The following CCSER2 variants were observed in gnomAD, a reference collection of about 807,000 sequenced individuals.
CCSER2 encodes serine-rich coiled-coil domain-containing protein 2.
In CCSER2, 46 loss-of-function variants were observed where a neutral mutation model predicts 92.3. The observed-to-expected ratio is 0.50, with a 90% CI of 0.39 to 0.64. CCSER2 has a LOEUF of 0.64. Among genes scored for constraint, CCSER2 ranks in the 30% least tolerant of loss-of-function variants. The pLI is 0.00. For missense variants in CCSER2, 1,244 were observed against 1,238.9 expected, an observed-to-expected ratio of 1.00 and a Z score of -0.06; for synonymous variants, 433 against 431.4, an observed-to-expected ratio of 1.00 and a Z score of -0.04.
chr10:84,431,745 A>C (rs1387394626), intron 5 of CCSER2, among the ~76,000 whole-genome samples: 2 of 152,140 alleles, frequency 1.3e-5, no homozygotes, highest in Non-Finnish European at 2.9e-5. Flanking sequence ...TCTCAAAAAA[A>C]ATTACTGAAT....
At chr10:84,448,750 C>G (rs1030079799) in intron 6 of CCSER2, among the ~76,000 whole-genome samples, 5 of 152,154 alleles carry the variant, frequency 3.3e-5, no homozygotes, top group Non-Finnish European at 7.3e-5. Flanking sequence ...TTTCTCAAAC[C>G]CGGCCCAGGC....
chr10:84,442,652 T>A (rs1184300639), intron 6 of CCSER2, among the ~76,000 whole-genome samples: 1 of 152,212 alleles, frequency 6.6e-6, no homozygotes, highest in Non-Finnish European at 1.5e-5. Context: ...AAAAGGTTTT[T>A]TAAAAGGTAT....
intron 9 of CCSER2, among the ~76,000 whole-genome samples, chr10:84,509,822 A>C (rs1391907346): frequency 6.6e-6 from 1 of 152,180 alleles, no homozygotes; most frequent in Non-Finnish European, 1.5e-5. Flanking sequence ...GAGGCTATGA[A>C]ATCCATCGAT....
In CCSER2 at chr10:84,372,089, C is replaced by T; in HGVS notation, c.1037C>T (p.Thr346Ile). ...GGAAATAAAAATTCACCTGCTGACA[C>T]ATGTGTAGAGGAAGATGCTACAGTT... is the stretch of plus-strand genomic sequence containing the variant. ...VDGNKNSPAD[T>I]CVEEDATVLA... Residue 346 changes from threonine (T) to isoleucine (I), a missense_variant, in exon 2 of 10, where the codon ACA (threonine) becomes ATA (isoleucine). By Grantham distance (89) the Thr-to-Ile change is moderately conservative. Coordinates refer to ENST00000372088, the MANE Select transcript of CCSER2 (RefSeq NM_001284240.2). 2 of 1,613,726 alleles carry T rather than the reference C, an allele frequency of 1.2e-6. No individual in the cohort carries two copies. Among genetic ancestry groups the T allele is most frequent in the South Asian group, 1.1e-5 (1 of 91,064 alleles).
At chr10:84,330,795 A>G (rs1564570451) in intron 1 of CCSER2, among the ~76,000 whole-genome samples, 1 of 152,112 alleles carries the variant, frequency 6.6e-6, no homozygotes, top group Non-Finnish European at 1.5e-5. Context: ...CTGGTTAGGA[A>G]TGAAACCCCA....
At chr10:84,382,753 A>G (rs1171993060) in intron 3 of CCSER2, among the ~76,000 whole-genome samples, 3 of 152,186 alleles carry the variant, frequency 2.0e-5, no homozygotes, top group Non-Finnish European at 2.9e-5. Context: ...CATCACTGAA[A>G]GTATCTGGCT....
At chr10:84,330,326 G>A (rs1012732548) in intron 1 of CCSER2, among the ~76,000 whole-genome samples, 4 of 152,180 alleles carry the variant, frequency 2.6e-5, no homozygotes, top group Non-Finnish European at 4.4e-5. Flanking sequence ...GTTTTTCAGT[G>A]TTCTTTGTTG....
At chr10:84,451,306 G>A (rs1458220385) in intron 6 of CCSER2, among the ~76,000 whole-genome samples, 4 of 139,382 alleles carry the variant, frequency 2.9e-5, no homozygotes, top group African/African-American at 1.1e-4. Flanking sequence ...GTCTTGCTGT[G>A]TTGCCTGTGC....
At position 84,349,561 on chromosome 10, in the gene CCSER2, A is replaced by G. The variant is rs1844748404; in HGVS notation, c.-40+20753A>G. 8.5e-5 allele frequency among the ~76,000 whole-genome samples: 13 copies of G among 152,220 alleles called. No homozygotes were observed. The South Asian group carries it at 2.7e-3, about 32-fold the overall frequency. Reference sequence around the variant, plus strand: ...GCTGGGTGTGGTGGCATGTGCCTGTAGTCCCAGCTACTAGGGAGGCTGAGA... The same window carrying G: ...GCTGGGTGTGGTGGCATGTGCCTGTGGTCCCAGCTACTAGGGAGGCTGAGA... On this transcript the variant is annotated intron_variant, in intron 1 of 9. Transcript: ENST00000372088.
intron 6 of CCSER2, 70 bp downstream of exon 6, chr10:84,438,777 T>A (rs34484957): frequency 0.057 from 51,776 of 912,580 alleles, 1,942 homozygotes; most frequent in Admixed American, 0.11. Context: ...TAGTTTTTTT[T>A]AAAAAAATAC....
In CCSER2 at chr10:84,373,654, A is replaced by T. The variant is rs1447187603; in HGVS notation, c.1453A>T (p.Asn485Tyr). 1 of 1,613,256 alleles carries T rather than the reference A, an allele frequency of 6.2e-7. No homozygotes were observed. The highest frequency in any genetic ancestry group is 1.3e-5 in the African/African-American group (1 of 75,010). Reference protein sequence around the residue: ...SECTKHTSGNNLVSPDTDYRA... With the variant: ...SECTKHTSGNYLVSPDTDYRA... Reference sequence around the variant, plus strand: ...ATGTACAAAACATACTTCTGGGAATAATTTGGTTTCACCAGATACAGACTA... The same window carrying T: ...ATGTACAAAACATACTTCTGGGAATTATTTGGTTTCACCAGATACAGACTA... The change falls in exon 3 of 10, where the codon AAT becomes TAT. Residue 485 changes from asparagine to tyrosine, a missense_variant. Physicochemically the swap from Asn to Tyr is moderately radical, Grantham distance 143 (BLOSUM62 -2). Coordinates refer to ENST00000372088, the MANE Select transcript of CCSER2 (RefSeq NM_001284240.2).
intron 1 of CCSER2, among the ~76,000 whole-genome samples, chr10:84,334,091 G>C (rs77021337): frequency 4.9e-4 from 75 of 152,316 alleles, no homozygotes; most frequent in East Asian, 3.7e-3. Flanking sequence ...GATGGGGGAA[G>C]AGCCATCAGG....
Position 84,438,532 on chromosome 10 carries a change from C to T in CCSER2, c.1889C>T (p.Ser630Phe), listed in dbSNP as rs1844326167. 1 of 1,608,262 alleles carries T rather than the reference C, an allele frequency of 6.2e-7. No individual in the cohort carries two copies. Among genetic ancestry groups the T allele is most frequent in the Non-Finnish European group, 8.5e-7 (1 of 1,176,960 alleles). The change falls in exon 6 of 10, where the codon TCT (serine) becomes TTT (phenylalanine). Residue 630 changes from serine to phenylalanine, a missense_variant. Ser to Phe is a radical substitution (Grantham distance 155). Coordinates refer to ENST00000372088, the MANE Select transcript of CCSER2 (RefSeq NM_001284240.2). ...TCCAGAGGCTCTCCCTATAGAGAAT[C>T]TCCTTTGGGTCATTTTGAAAGCTAT... ...DLSRGSPYRE[S>F]PLGHFESYGG...
rs536323099 is a variant in CCSER2, at chr10:84,478,828, A to T, written c.2325+1164A>T. Among the ~76,000 whole-genome samples, 10 of 152,336 alleles carry T rather than the reference A, an allele frequency of 6.6e-5. No homozygotes were observed. In the East Asian group the frequency reaches 1.9e-3, roughly 29 times the overall value. On this transcript the variant is annotated intron_variant, in intron 9 of 9. Coordinates refer to ENST00000372088, the MANE Select transcript of CCSER2 (RefSeq NM_001284240.2). ...AGAATCAAGGAGCTTGGTGAAGAAA[A>T]TGAAGGTTGTGTTTGAATCATAGAA...
intron 1 of CCSER2, among the ~76,000 whole-genome samples, chr10:84,341,835 A>T (rs1298346197): frequency 1.3e-5 from 2 of 152,224 alleles, no homozygotes; most frequent in Non-Finnish European, 2.9e-5. Flanking sequence ...ATTAAACAGC[A>T]TATTTTAAGA....
chr10:84,440,606 T>G (rs1385165783), intron 6 of CCSER2, among the ~76,000 whole-genome samples: 11 of 152,188 alleles, frequency 7.2e-5, no homozygotes, highest in Admixed American at 2.6e-4. Context: ...GGGACTTACT[T>G]TTGCCATAAT....
chr10:84,395,503 C>T (rs995458310), intron 3 of CCSER2, among the ~76,000 whole-genome samples: 24 of 152,040 alleles, frequency 1.6e-4, no homozygotes, highest in East Asian at 5.8e-4. Context: ...TTTATTGTCC[C>T]GTGGTGATTA....
chr10:84,495,787 TG>T lies in CCSER2; in HGVS notation c.2326-17660del, dbSNP rs199580673. 3.1e-3 allele frequency among the ~76,000 whole-genome samples: 462 copies of T among 150,318 alleles called. 2 individuals are homozygous for T. Among genetic ancestry groups the T allele is most frequent in the East Asian group, 6.6e-3 (34 of 5,160 alleles). The stretch of plus-strand genomic sequence containing the variant: ...TCAAATTTCTTTTGTTTTTTTTTTT[TG>T]GCGTGGTATATCGTTTTCATCTTTT... On this transcript the variant is annotated intron_variant, in intron 9 of 9. Transcript: ENST00000372088.
At chr10:84,510,503 T>TA (rs1849294194) in intron 9 of CCSER2, among the ~76,000 whole-genome samples, 3 of 152,236 alleles carry the variant, frequency 2.0e-5, no homozygotes, top group Admixed American at 2.0e-4. Context: ...ACATGATACA[T>TA]AATAAACATT....
Sources: gnomAD v4.1 joint callset for allele counts (sites outside exome capture counted in the v4.1 genomes callset) on GRCh38, gnomAD v4.1.1 for gene constraint, MANE v1.5 for transcripts, NCBI Gene and HGNC (gene_info 2026-07-23, HGNC 2026-07-21) for gene names.